Variants in FKTN observed in about 807,000 individuals in gnomAD.
FKTN encodes the protein fukutin.
FKTN carries 47 observed loss-of-function variants against 58.6 expected under a neutral mutation model. The ratio of observed to expected loss-of-function variants is 0.80; its 90% CI spans 0.63 to 1.02. FKTN has a LOEUF of 1.02. FKTN is among the 50% of genes least tolerant of loss of function. FKTN has a pLI of 0.00. For synonymous variants in FKTN, 178 were observed against 191.9 expected, an observed-to-expected ratio of 0.93 and a Z score of 0.60; for missense variants, 516 against 537.3, an observed-to-expected ratio of 0.96 and a Z score of 0.39.
intron 3 of FKTN, among the ~76,000 whole-genome samples, chr9:105,576,140 CTT>C (rs1841632718): frequency 7.3e-6 from 1 of 136,682 alleles, no homozygotes; most frequent in Non-Finnish European, 1.6e-5. Context: ...AAAACTGAAA[CTT>C]TTCTTTTTTT....
intron 8 of FKTN, among the ~76,000 whole-genome samples, chr9:105,616,814 T>C (rs1239085824): frequency 6.6e-6 from 1 of 151,932 alleles, no homozygotes; most frequent in Non-Finnish European, 1.5e-5. Context: ...GGTTATCCTA[T>C]CTATTAGCCT....
intron 1 of FKTN, among the ~76,000 whole-genome samples, chr9:105,560,672 A>G (rs1338437456): frequency 1.3e-5 from 2 of 152,192 alleles, no homozygotes; most frequent in African/African-American, 4.8e-5. Context: ...GTGTTGCACT[A>G]AGTACATGTC....
At chr9:105,567,459 A>G (rs1839869445) in intron 1 of FKTN, among the ~76,000 whole-genome samples, 1 of 152,260 alleles carries the variant, frequency 6.6e-6, no homozygotes. Flanking sequence ...GTCTCAGGAT[A>G]CAAAATCAAT....
chr9:105,582,610 A>G (rs1251416970), intron 3 of FKTN, among the ~76,000 whole-genome samples: 2 of 152,226 alleles, frequency 1.3e-5, no homozygotes, highest in Admixed American at 6.5e-5. Context: ...TCCAGGCTAT[A>G]TAATTTTAAA....
At chr9:105,567,841 C>T (rs1313333282) in intron 1 of FKTN, among the ~76,000 whole-genome samples, 3 of 152,296 alleles carry the variant, frequency 2.0e-5, no homozygotes, top group Admixed American at 6.5e-5. Flanking sequence ...CAAGTCAATC[C>T]TAAGCTAAAA....
chr9:105,622,618 T>C (rs1270491066), intron 10 of FKTN, among the ~76,000 whole-genome samples: 1 of 152,032 alleles, frequency 6.6e-6, no homozygotes, highest in Non-Finnish European at 1.5e-5. Flanking sequence ...TGAAGTAACT[T>C]ACTCGAGGCT....
chr9:105,582,717 G>C (rs1305347354), intron 3 of FKTN, among the ~76,000 whole-genome samples: 2 of 151,870 alleles, frequency 1.3e-5, no homozygotes, highest in African/African-American at 4.8e-5. Flanking sequence ...TATTTTCTTA[G>C]GATAAAGTCC....
intron 3 of FKTN, among the ~76,000 whole-genome samples, chr9:105,581,863 CT>C (rs1335323882): frequency 6.6e-6 from 1 of 152,218 alleles, no homozygotes; most frequent in Non-Finnish European, 1.5e-5. Flanking sequence ...GGGATATAGT[CT>C]CGTGGTGCAC....
chr9:105,566,995 A>C (rs146286827), intron 1 of FKTN, among the ~76,000 whole-genome samples: 1 of 152,190 alleles, frequency 6.6e-6, no homozygotes, highest in Non-Finnish European at 1.5e-5. Context: ...TTCAACATAC[A>C]TAAATCAGTA....
intron 8 of FKTN, among the ~76,000 whole-genome samples, chr9:105,617,505 C>T (rs1189337111): frequency 6.6e-6 from 1 of 152,168 alleles, no homozygotes; most frequent in Non-Finnish European, 1.5e-5. Context: ...TAACAGCCCC[C>T]TCTATCACTA....
intron 3 of FKTN, among the ~76,000 whole-genome samples, chr9:105,575,822 C>T (rs1008623475): frequency 1.3e-5 from 2 of 152,288 alleles, no homozygotes; most frequent in East Asian, 3.9e-4. Context: ...CAGAATTAAT[C>T]ACTTTGCGCC....
At chr9:105,599,999 A>G (rs187645335) in intron 4 of FKTN, among the ~76,000 whole-genome samples, 5 of 151,838 alleles carry the variant, frequency 3.3e-5, no homozygotes, top group Admixed American at 2.6e-4. Context: ...TTTAATAGGT[A>G]TAGGGCAATT....
chr9:105,633,523 G>C (rs1262598484), intron 10 of FKTN: 2 of 152,250 alleles, frequency 1.3e-5, no homozygotes, highest in Non-Finnish European at 2.9e-5. Context: ...GGAGGCTGGT[G>C]ATGGATTGTT....
intron 1 of FKTN, among the ~76,000 whole-genome samples, chr9:105,572,086 G>A (rs1564205916): frequency 6.6e-6 from 1 of 152,106 alleles, no homozygotes; most frequent in South Asian, 2.1e-4. Flanking sequence ...CATCATCAAT[G>A]TTGATTGATA....
At chr9:105,586,320 T>C (rs1230203155) in intron 3 of FKTN, among the ~76,000 whole-genome samples, 1 of 152,212 alleles carries the variant, frequency 6.6e-6, no homozygotes, top group Non-Finnish European at 1.5e-5. Context: ...GTCTTGGATA[T>C]ACAAACTCCT....
intron 10 of FKTN, among the ~76,000 whole-genome samples, chr9:105,625,192 A>G (rs1832599326): frequency 6.6e-6 from 1 of 152,234 alleles, no homozygotes; most frequent in African/African-American, 2.4e-5. Context: ...ATTACATATA[A>G]CTGCAGAGAG....
chr9:105,566,302 AGC>A (rs1214976602), intron 1 of FKTN, among the ~76,000 whole-genome samples: 4 of 152,196 alleles, frequency 2.6e-5, no homozygotes, highest in Non-Finnish European at 4.4e-5. Flanking sequence ...CTAAGATCAG[AGC>A]GGAACTGCAG....
At chr9:105,611,713 A>G (rs755458786) in intron 7 of FKTN, among the ~76,000 whole-genome samples, 7 of 152,152 alleles carry the variant, frequency 4.6e-5, no homozygotes, top group Non-Finnish European at 8.8e-5. Context: ...TCCATGGTGT[A>G]TATATACTAC....
Position 105,607,889 on chromosome 9 carries a change from G to C in FKTN, c.718G>C (p.Glu240Gln). Residue 240 changes from glutamate to glutamine, a missense_variant, in exon 7 of 11, where the codon GAA (glutamate) becomes CAA (glutamine). Coordinates refer to ENST00000357998, the MANE Select transcript of FKTN (RefSeq NM_001079802.2). The stretch of plus-strand genomic sequence containing the variant: ...TCCAAAGGATCCAATGCACTTTGTA[G>C]AAGAAGTACCACACTCTAGGTTTAT... ...LIPKDPMHFV[E>Q]EVPHSRFIEC... 8 of 1,611,774 alleles carry C rather than the reference G, an allele frequency of 5.0e-6. No individual in the cohort carries two copies. Among genetic ancestry groups the C allele is most frequent in the Non-Finnish European group, 6.8e-6 (8 of 1,178,034 alleles).
Sources: gnomAD v4.1 joint callset for allele counts (sites outside exome capture counted in the v4.1 genomes callset) on GRCh38, gnomAD v4.1.1 for gene constraint, MANE v1.5 for transcripts, NCBI Gene and HGNC (gene_info 2026-07-23, HGNC 2026-07-21) for gene names.